Variants in ARL15 observed in about 807,000 individuals in gnomAD.
ARL15 encodes ARF like GTPase 15, also known as ADP-ribosylation factor-like protein 15.
Under a neutral mutation model 25.2 loss-of-function variants are expected in ARL15, and 19 were observed. The ratio of observed to expected loss-of-function variants is 0.75; its 90% confidence interval spans 0.53 to 1.10. The LOEUF (loss-of-function observed/expected upper bound fraction) is 1.10, where lower values mean the gene tolerates loss of function less well. Ranked by LOEUF, ARL15 falls within the 50% of genes least tolerant of loss-of-function variation. ARL15 has a pLI of 0.00. For synonymous variants in ARL15, 94 were observed against 86.8 expected (o/e 1.08, Z -0.46); for missense variants, 220 against 246.0 (o/e 0.89, Z 0.71).
Position 54,246,112 on chromosome 5 carries a change from A to G in ARL15, c.48+64320T>C, listed in dbSNP as rs1653620468. On this transcript the variant is annotated intron_variant, in intron 1 of 4. Transcript: ENST00000504924. Reference sequence around the variant, plus strand: ...ATCCCAGAAATATTAGGTGTGTCCTAGAAAGTCTATAAAGATCTTCACTCA... The same window carrying G: ...ATCCCAGAAATATTAGGTGTGTCCTGGAAAGTCTATAAAGATCTTCACTCA... Among the ~76,000 whole-genome samples the G allele has an allele frequency of 2.0e-5, 3 of 150,874 alleles. No homozygotes were observed. In the South Asian group the frequency reaches 6.3e-4, roughly 32 times the overall value.
intron 4 of ARL15, among the ~76,000 whole-genome samples, chr5:54,061,432 A>T (rs1332607004): frequency 6.6e-6 from 1 of 152,096 alleles, no homozygotes; most frequent in Non-Finnish European, 1.5e-5. Context: ...TACCATAGTG[A>T]AACCCCATCA....
chr5:54,029,703 A>T (rs905418601), intron 4 of ARL15, among the ~76,000 whole-genome samples: 1 of 152,084 alleles, frequency 6.6e-6, no homozygotes, highest in Non-Finnish European at 1.5e-5. Context: ...TATAAAAAAT[A>T]AAAAGAATGG....
chr5:54,092,815 C>A (rs904412148), intron 4 of ARL15, among the ~76,000 whole-genome samples: 6 of 152,068 alleles, frequency 3.9e-5, no homozygotes, highest in African/African-American at 1.4e-4. Context: ...TCTGCCAAAT[C>A]CTACACTGAT....
At chr5:54,142,028 A>G (rs1258576000) in intron 3 of ARL15, among the ~76,000 whole-genome samples, 1 of 152,188 alleles carries the variant, frequency 6.6e-6, no homozygotes, top group African/African-American at 2.4e-5. Flanking sequence ...TGTGTACAAG[A>G]TTTTGCATCG....
intron 4 of ARL15, among the ~76,000 whole-genome samples, chr5:53,982,697 AT>A (rs1251743767): frequency 6.6e-6 from 1 of 152,164 alleles, no homozygotes; most frequent in Non-Finnish European, 1.5e-5. Flanking sequence ...TTGGGTATAT[AT>A]CCAGTAATGG....
At chr5:54,227,439 T>C (rs977346738) in intron 1 of ARL15, among the ~76,000 whole-genome samples, 1 of 152,216 alleles carries the variant, frequency 6.6e-6, no homozygotes, top group Non-Finnish European at 1.5e-5. Flanking sequence ...AGGCAGGTAT[T>C]ACTATGAGCG....
intron 4 of ARL15, among the ~76,000 whole-genome samples, chr5:54,016,127 G>C (rs1208066617): frequency 6.6e-6 from 1 of 152,030 alleles, no homozygotes; most frequent in Non-Finnish European, 1.5e-5. Flanking sequence ...TAATTAAAGT[G>C]GTTTTTCTCC....
intron 4 of ARL15, among the ~76,000 whole-genome samples, chr5:53,922,368 T>C (rs1391752320): frequency 6.6e-6 from 1 of 152,242 alleles, no homozygotes; most frequent in Non-Finnish European, 1.5e-5. Flanking sequence ...AGGATCACTG[T>C]ACCAGTTCAT....
At chr5:53,899,347 CAAAAAAAAA>C (rs59145507) in intron 4 of ARL15, among the ~76,000 whole-genome samples, 14 of 89,388 alleles carry the variant, frequency 1.6e-4, no homozygotes, top group African/African-American at 7.1e-4. Flanking sequence ...GACTCTATCC[CAAAAAAAAA>C]AAAAAAAAAA....
chr5:54,226,661 TA>T (rs200575015), intron 1 of ARL15, among the ~76,000 whole-genome samples: 3 of 151,940 alleles, frequency 2.0e-5, no homozygotes, highest in South Asian at 2.1e-4. Context: ...TCTAAGTTAT[TA>T]AAAAAAATGA....
chr5:53,919,768 G>A (rs1296896043), intron 4 of ARL15, among the ~76,000 whole-genome samples: 1 of 152,120 alleles, frequency 6.6e-6, no homozygotes, highest in Non-Finnish European at 1.5e-5. Flanking sequence ...CCATGTGTTT[G>A]GATCAGCTCA....
intron 3 of ARL15, among the ~76,000 whole-genome samples, chr5:54,129,194 A>G (rs949183843): frequency 6.6e-6 from 1 of 152,216 alleles, no homozygotes; most frequent in Non-Finnish European, 1.5e-5. Context: ...AAATCTGAAC[A>G]TTGATAGGAT....
rs577711771 is a variant in ARL15 at position 53,919,740 on chromosome 5, T to C, written c.463-33027A>G. Among the ~76,000 whole-genome samples the C allele has an allele frequency of 2.6e-5, 4 of 152,306 alleles. No individual in the cohort carries two copies. The East Asian group carries it at 7.7e-4, about 29-fold the overall frequency. On this transcript the variant is annotated intron_variant, in intron 4 of 4. Coordinates refer to ENST00000504924, the MANE Select transcript of ARL15 (RefSeq NM_019087.3). ...CCTTTATTGAGCACCTACTATTCCA[T>C]GCTGGGTACCTGAAATACCATGTGT...
intron 2 of ARL15, among the ~76,000 whole-genome samples, chr5:54,167,366 G>A (rs1754604131): frequency 6.6e-6 from 1 of 152,158 alleles, no homozygotes; most frequent in African/African-American, 2.4e-5. Flanking sequence ...AGTTCACTGA[G>A]CTCCACCTCA....
At chr5:53,971,238 G>A (rs1289802619) in intron 4 of ARL15, among the ~76,000 whole-genome samples, 1 of 152,138 alleles carries the variant, frequency 6.6e-6, no homozygotes, top group African/African-American at 2.4e-5. Flanking sequence ...ACAATACTGG[G>A]AGATGAGGGC....
At chr5:54,099,271 T>C (rs1210396878) in intron 4 of ARL15, among the ~76,000 whole-genome samples, 1 of 152,166 alleles carries the variant, frequency 6.6e-6, no homozygotes, top group Admixed American at 6.6e-5. Flanking sequence ...ATGATATATC[T>C]GGAACATCTT....
At chr5:54,244,572 A>C (rs1757037072) in intron 1 of ARL15, among the ~76,000 whole-genome samples, 1 of 152,246 alleles carries the variant, frequency 6.6e-6, no homozygotes, top group African/African-American at 2.4e-5. Context: ...CAAGCTAAAG[A>C]ATCATCTAGA....
At chr5:54,023,407 G>A (rs912909903) in intron 4 of ARL15, among the ~76,000 whole-genome samples, 40 of 151,920 alleles carry the variant, frequency 2.6e-4, no homozygotes, top group African/African-American at 9.6e-4. Flanking sequence ...CGGTTAAGTC[G>A]AAAAAGCAAA....
intron 4 of ARL15, among the ~76,000 whole-genome samples, chr5:53,887,130 A>G (rs1744553920): frequency 6.6e-6 from 1 of 152,216 alleles, no homozygotes; most frequent in Admixed American, 6.5e-5. Context: ...TACAGTAGGT[A>G]CTATATTGAT....
Sources: allele counts gnomAD v4.1 joint callset (sites outside exome capture counted in the v4.1 genomes callset), GRCh38; gene constraint gnomAD v4.1.1; transcripts MANE v1.5; gene names NCBI Gene and HGNC (gene_info 2026-07-23, HGNC 2026-07-21).